The following THRB variants were observed in gnomAD, a reference collection of about 807,000 sequenced individuals.
THRB encodes nuclear receptor subfamily 1 group A member 2.
Under a neutral mutation model 47.8 loss-of-function variants are expected in THRB, and 12 were observed. The ratio of observed to expected loss-of-function variants is 0.25; its 90% confidence interval spans 0.16 to 0.41. The LOEUF is 0.41. THRB is among the 10% of genes least tolerant of loss of function. The pLI is 1.00. For synonymous variants in THRB, 218 were observed against 212.2 expected, an observed-to-expected ratio of 1.03 and a Z score of -0.24; for missense variants, 348 against 589.2, an observed-to-expected ratio of 0.59 and a Z score of 4.24.
At position 24,152,506 on chromosome 3, in the gene THRB, A is replaced by G. The variant is rs747381915; in HGVS notation, c.284-16T>C. 1 of 1,284,192 alleles carries G rather than the reference A, an allele frequency of 7.8e-7. No individual in the cohort carries two copies. The highest frequency in any genetic ancestry group is 1.7e-5 in the Admixed American group (1 of 59,564). The allele number at this position is 1,284,192 out of a possible 1,614,324, so 79.5% of individuals were successfully genotyped here. A position where few individuals can be genotyped will look rare whatever the true frequency, so the allele number is the denominator to read the frequency against. ...GGGATGTACCCTGTGAAGGAAATAA[A>G]AGAAGGAATATTAAAAAATAATATG... On this transcript the variant is annotated splice_polypyrimidine_tract_variant and intron_variant, in intron 5 of 10. Transcript: ENST00000646209.
At chr3:24,386,513 A>C (rs547201144) in intron 1 of THRB, among the ~76,000 whole-genome samples, 1 of 152,244 alleles carries the variant, frequency 6.6e-6, no homozygotes, top group South Asian at 2.1e-4. Flanking sequence ...ATCTGCAAGG[A>C]AACTACGGTC....
At chr3:24,214,725 C>G (rs1437309350) in intron 4 of THRB, among the ~76,000 whole-genome samples, 1 of 152,136 alleles carries the variant, frequency 6.6e-6, no homozygotes. Context: ...AAGCCTGCAA[C>G]CTGGCCTGCA....
intron 1 of THRB, among the ~76,000 whole-genome samples, chr3:24,436,311 A>G (rs1403601205): frequency 6.6e-6 from 1 of 152,122 alleles, no homozygotes; most frequent in Non-Finnish European, 1.5e-5. Context: ...AAGGGAACAT[A>G]AGAACTACAT....
At position 24,305,096 on chromosome 3, in the gene THRB, A is replaced by G. The variant is rs567774108; in HGVS notation, c.-188-7725T>C. 2.0e-5 allele frequency among the ~76,000 whole-genome samples: 3 copies of G among 152,338 alleles called. No individual in the cohort carries two copies. The South Asian group carries it at 6.2e-4, about 32-fold the overall frequency. On this transcript the variant is annotated intron_variant, in intron 2 of 10. Transcript: ENST00000646209. ...AGATAATTCCAATGCTATTTAAACT[A>G]GTCTAGCCCATTGAAAAAGACGAAA... is the stretch of plus-strand genomic sequence containing the variant.
At chr3:24,411,715 C>A (rs916286323) in intron 1 of THRB, among the ~76,000 whole-genome samples, 1 of 151,618 alleles carries the variant, frequency 6.6e-6, no homozygotes, top group Non-Finnish European at 1.5e-5. Flanking sequence ...GGTTGTCACA[C>A]TAGGGGTGGG....
intron 3 of THRB, among the ~76,000 whole-genome samples, 181 bp from the exon 4 acceptor site, chr3:24,229,182 T>C (rs2048001672): frequency 6.6e-6 from 1 of 152,244 alleles, no homozygotes; most frequent in African/African-American, 2.4e-5. Flanking sequence ...GTAAGACCTC[T>C]TAATTTTCAT....
intron 1 of THRB, among the ~76,000 whole-genome samples, chr3:24,419,362 A>C (rs1327688901): frequency 6.6e-6 from 1 of 151,854 alleles, no homozygotes; most frequent in Non-Finnish European, 1.5e-5. Context: ...ATTGAGATAA[A>C]AGATCCCTCC....
chr3:24,345,442 G>A (rs1476516557), intron 1 of THRB, among the ~76,000 whole-genome samples: 2 of 152,004 alleles, frequency 1.3e-5, no homozygotes, highest in African/African-American at 4.8e-5. Flanking sequence ...TTGATTGAGT[G>A]GACACAATTA....
chr3:24,159,434 G>A (rs1429907881), intron 5 of THRB, among the ~76,000 whole-genome samples: 7 of 152,118 alleles, frequency 4.6e-5, no homozygotes. Context: ...TCCCAACAAT[G>A]GAAATGAGCT....
chr3:24,414,790 T>C (rs1174183601), intron 1 of THRB, among the ~76,000 whole-genome samples: 1 of 151,978 alleles, frequency 6.6e-6, no homozygotes, highest in Non-Finnish European at 1.5e-5. Context: ...GCATGAATAC[T>C]GTATTATTAG....
chr3:24,172,268 C>G (rs2040533503), intron 5 of THRB, among the ~76,000 whole-genome samples: 1 of 152,166 alleles, frequency 6.6e-6, no homozygotes, highest in Non-Finnish European at 1.5e-5. Context: ...GAGAAGAAAT[C>G]TGCTGAAGGG....
At chr3:24,172,192 T>C (rs2040524317) in intron 5 of THRB, among the ~76,000 whole-genome samples, 1 of 152,126 alleles carries the variant, frequency 6.6e-6, no homozygotes, top group African/African-American at 2.4e-5. Flanking sequence ...CTGTTGGATA[T>C]ATATGCTGGA....
chr3:24,409,559 G>T (rs886788180), intron 1 of THRB, among the ~76,000 whole-genome samples: 2 of 151,732 alleles, frequency 1.3e-5, no homozygotes, highest in Non-Finnish European at 2.9e-5. Context: ...TGTACAAGGA[G>T]AATTACAGTA....
intron 3 of THRB, among the ~76,000 whole-genome samples, chr3:24,275,463 A>G (rs531816024): frequency 2.0e-5 from 3 of 152,270 alleles, no homozygotes; most frequent in South Asian, 4.1e-4. Context: ...CTTTGTGGCT[A>G]ATGTATCTGC....
At chr3:24,257,177 G>T (rs2051380947) in intron 3 of THRB, among the ~76,000 whole-genome samples, 1 of 152,014 alleles carries the variant, frequency 6.6e-6, no homozygotes, top group African/African-American at 2.4e-5. Context: ...CAATATTCAT[G>T]GAGAGGCCCT....
chr3:24,180,225 C>T (rs1377854196), intron 5 of THRB, among the ~76,000 whole-genome samples: 1 of 152,022 alleles, frequency 6.6e-6, no homozygotes, highest in Non-Finnish European at 1.5e-5. Context: ...TTCATTAGTC[C>T]TGAGGCTTAA....
In THRB at chr3:24,143,618, G is replaced by A; in HGVS notation, c.621C>T (p.Ser207=). Residue 207 remains serine, a synonymous_variant, in exon 8 of 11, where the codon TCC becomes TCT. Coordinates refer to ENST00000646209, the MANE Select transcript of THRB (RefSeq NM_001354712.2). ...CTGTGGGCTCTGGCTTGTGCCCGAT[G>A]GACTTCTGCAGCTCTTCCCGCCGTC... The part of the protein sequence containing the change: ...EKRRREELQK[S]IGHKPEPTDE... 6.2e-7 allele frequency: 1 copy of A among 1,614,172 alleles called. No homozygotes were observed. The highest frequency in any genetic ancestry group is 1.1e-5 in the South Asian group (1 of 91,084).
At chr3:24,347,292 A>G (rs373499755) in intron 1 of THRB, among the ~76,000 whole-genome samples, 1 of 152,018 alleles carries the variant, frequency 6.6e-6, no homozygotes, top group East Asian at 1.9e-4. Flanking sequence ...AGAAAAAATG[A>G]CAGCCAAGGA....
intron 5 of THRB, among the ~76,000 whole-genome samples, chr3:24,182,105 G>T (rs959010460): frequency 6.6e-6 from 1 of 152,186 alleles, no homozygotes; most frequent in Non-Finnish European, 1.5e-5. Flanking sequence ...GGAGGCTGAG[G>T]CAGGAGAATG....
Sources: allele counts gnomAD v4.1 joint callset (sites outside exome capture counted in the v4.1 genomes callset), GRCh38; gene constraint gnomAD v4.1.1; transcripts MANE v1.5; gene names NCBI Gene and HGNC (gene_info 2026-07-23, HGNC 2026-07-21).